SH3RF3: variants seen among roughly 807,000 people sequenced by gnomAD.
SH3RF3 encodes the protein SH3 domain containing ring finger 3.
A neutral mutation model predicts 66.3 loss-of-function variants in SH3RF3; 29 were observed. The ratio of observed to expected loss-of-function variants is 0.44; its 90% CI spans 0.33 to 0.60. The LOEUF (loss-of-function observed/expected upper bound fraction) is 0.60. Ranked by LOEUF, SH3RF3 falls within the 20% of genes least tolerant of loss-of-function variation. SH3RF3 has a pLI of 0.04. For missense variants in SH3RF3, 1,194 were observed against 1,190.9 expected, an observed-to-expected ratio of 1.00 and a Z score of -0.04; for synonymous variants, 583 against 532.0, an observed-to-expected ratio of 1.10 and a Z score of -1.32.
At chr2:109,269,335 C>G (rs930429441) in intron 1 of SH3RF3, among the ~76,000 whole-genome samples, 16 of 152,188 alleles carry the variant, frequency 1.1e-4, no homozygotes, top group African/African-American at 3.4e-4. Context: ...TGCCTTCCCC[C>G]CGGGAGAACA....
chr2:109,241,940 C>T (rs1307947565), intron 1 of SH3RF3, among the ~76,000 whole-genome samples: 2 of 151,820 alleles, frequency 1.3e-5, no homozygotes, highest in Non-Finnish European at 2.9e-5. Context: ...ACCTGAGACA[C>T]GATGTTCCCC....
At chr2:109,170,046 T>C (rs1012843749) in intron 1 of SH3RF3, among the ~76,000 whole-genome samples, 6 of 152,216 alleles carry the variant, frequency 3.9e-5, no homozygotes, top group Admixed American at 3.3e-4. Flanking sequence ...TGTTATAGTT[T>C]TGATAATCAT....
intron 1 of SH3RF3, among the ~76,000 whole-genome samples, chr2:109,275,794 C>T (rs1406117827): frequency 1.3e-5 from 2 of 152,188 alleles, no homozygotes; most frequent in East Asian, 1.9e-4. Flanking sequence ...AAGCGAGGCA[C>T]AGTGAGAGGG....
chr2:109,353,792 C>T (rs977197391), intron 2 of SH3RF3, among the ~76,000 whole-genome samples: 1 of 152,298 alleles, frequency 6.6e-6, no homozygotes, highest in Non-Finnish European at 1.5e-5. Flanking sequence ...TGTGTGCATG[C>T]GTGTGTCCGT....
intron 1 of SH3RF3, among the ~76,000 whole-genome samples, chr2:109,193,055 A>G (rs538621210): frequency 2.6e-5 from 4 of 152,326 alleles, no homozygotes; most frequent in African/African-American, 9.6e-5. Flanking sequence ...GTGCCAAGAA[A>G]TTACTTAGTG....
chr2:109,320,419 C>T (rs1428465026), intron 1 of SH3RF3, among the ~76,000 whole-genome samples: 1 of 152,186 alleles, frequency 6.6e-6, no homozygotes, highest in Non-Finnish European at 1.5e-5. Context: ...ATCCTTCCTG[C>T]TGGAACCACC....
At chr2:109,456,274 G>A (rs1417027788) in intron 8 of SH3RF3, among the ~76,000 whole-genome samples, 1 of 152,208 alleles carries the variant, frequency 6.6e-6, no homozygotes, top group Non-Finnish European at 1.5e-5. Flanking sequence ...TGGGAGCACC[G>A]GCGACTCCAG....
chr2:109,150,338 T>C (rs905977624), intron 1 of SH3RF3, among the ~76,000 whole-genome samples: 43 of 152,178 alleles, frequency 2.8e-4, no homozygotes, highest in African/African-American at 9.9e-4. Flanking sequence ...CTGGAGAGGA[T>C]GGCCGAGGCA....
At chr2:109,178,145 C>T (rs754325565) in intron 1 of SH3RF3, among the ~76,000 whole-genome samples, 1 of 152,086 alleles carries the variant, frequency 6.6e-6, no homozygotes, top group Non-Finnish European at 1.5e-5. Context: ...ACAAACCTAC[C>T]CTTTCTTAGG....
intron 7 of SH3RF3, among the ~76,000 whole-genome samples, chr2:109,444,373 G>A (rs1049572450): frequency 6.6e-6 from 1 of 152,242 alleles, no homozygotes; most frequent in Non-Finnish European, 1.5e-5. Flanking sequence ...GCCAAGTGCT[G>A]AAGCACTGGC....
intron 8 of SH3RF3, among the ~76,000 whole-genome samples, chr2:109,477,769 C>T (rs1402302409): frequency 6.6e-6 from 1 of 152,188 alleles, no homozygotes; most frequent in African/African-American, 2.4e-5. Context: ...GGCGCCTTCT[C>T]ACCGTGTCCT....
chr2:109,176,791 G>C (rs573883168), intron 1 of SH3RF3, among the ~76,000 whole-genome samples: 14 of 152,326 alleles, frequency 9.2e-5, no homozygotes, highest in African/African-American at 3.4e-4. Flanking sequence ...TCCGCTGGCA[G>C]AAGTTAGGCT....
chr2:109,315,523 C>T (rs1015621020), intron 1 of SH3RF3, among the ~76,000 whole-genome samples: 3 of 152,224 alleles, frequency 2.0e-5, no homozygotes, highest in South Asian at 2.1e-4. Context: ...ATATACAGAA[C>T]GACCATCCGT....
intron 8 of SH3RF3, among the ~76,000 whole-genome samples, chr2:109,476,399 C>A (rs1015491968): frequency 8.5e-5 from 13 of 152,162 alleles, no homozygotes; most frequent in African/African-American, 3.1e-4. Context: ...TACTGAGTAG[C>A]CCCTAGGGGA....
At chr2:109,195,587 GC>G (rs1289994665) in intron 1 of SH3RF3, among the ~76,000 whole-genome samples, 1 of 152,198 alleles carries the variant, frequency 6.6e-6, no homozygotes, top group African/African-American at 2.4e-5. Flanking sequence ...GGCTTCCCTT[GC>G]TGGAGCTATT....
intron 8 of SH3RF3, among the ~76,000 whole-genome samples, chr2:109,480,528 A>T (rs943797861): frequency 2.0e-5 from 3 of 152,152 alleles, no homozygotes; most frequent in Admixed American, 2.0e-4. Context: ...AGACTGGCTG[A>T]ATTAGTGTCT....
At chr2:109,486,534 A>G (rs1208572408) in intron 8 of SH3RF3, among the ~76,000 whole-genome samples, 2 of 152,210 alleles carry the variant, frequency 1.3e-5, no homozygotes, top group African/African-American at 4.8e-5. Flanking sequence ...CAACATAATC[A>G]CCAGATATTG....
At position 109,387,903 on chromosome 2, in the gene SH3RF3, C is replaced by T. The variant is rs566175254; in HGVS notation, c.946-10687C>T. On this transcript the variant is annotated intron_variant, in intron 3 of 9. Coordinates refer to ENST00000309415, the MANE Select transcript of SH3RF3 (RefSeq NM_001099289.3). ...CCGGCCCATCCACCCGCACACGGCCCTTCCTGACTCGTTCCACTGCTCCCA... is the reference window on the plus strand; with the variant it reads ...CCGGCCCATCCACCCGCACACGGCCTTTCCTGACTCGTTCCACTGCTCCCA... 5.3e-5 allele frequency among the ~76,000 whole-genome samples: 8 copies of T among 152,178 alleles called. No individual in the cohort carries two copies. In the East Asian group the frequency reaches 1.6e-3, roughly 30 times the overall value.
chr2:109,411,602 T>C (rs562797995), intron 4 of SH3RF3, among the ~76,000 whole-genome samples: 2 of 152,206 alleles, frequency 1.3e-5, no homozygotes, highest in East Asian at 3.9e-4. Flanking sequence ...CACTCATTTC[T>C]TTGTACTTTT....
Sources: gnomAD v4.1 joint callset for allele counts (sites outside exome capture counted in the v4.1 genomes callset) on GRCh38, gnomAD v4.1.1 for gene constraint, MANE v1.5 for transcripts, NCBI Gene and HGNC (gene_info 2026-07-23, HGNC 2026-07-21) for gene names.